Variants in MACROD2 observed in about 807,000 individuals in gnomAD.
MACROD2 encodes ADP-ribose glycohydrolase MACROD2.
A neutral mutation model predicts 70.4 loss-of-function variants in MACROD2; 36 were observed. That is an observed-to-expected ratio of 0.51 (90% confidence interval 0.39 to 0.68). The LOEUF (loss-of-function observed/expected upper bound fraction) is 0.68, where lower values mean the gene tolerates loss of function less well. MACROD2 is among the 30% of genes least tolerant of loss of function. The probability of loss-of-function intolerance (pLI) is 0.00; values close to 1 mark genes in which losing one functional copy is unlikely to be tolerated. For missense variants in MACROD2, 496 were observed against 538.4 expected, an observed-to-expected ratio of 0.92 and a Z score of 0.78; for synonymous variants, 172 against 178.8, an observed-to-expected ratio of 0.96 and a Z score of 0.30.
intron 3 of MACROD2, among the ~76,000 whole-genome samples, chr20:14,456,300 G>C (rs2084301563): frequency 6.6e-6 from 1 of 151,816 alleles, no homozygotes; most frequent in Non-Finnish European, 1.5e-5. Context: ...TGCTCAGTCT[G>C]CTGAAGGTAG....
At chr20:15,129,939 G>C (rs1161029037) in intron 5 of MACROD2, among the ~76,000 whole-genome samples, 1 of 152,122 alleles carries the variant, frequency 6.6e-6, no homozygotes, top group East Asian at 1.9e-4. Flanking sequence ...ACAGAAAGCA[G>C]TAGAGGGGTA....
intron 8 of MACROD2, among the ~76,000 whole-genome samples, chr20:15,727,834 A>G (rs995239165): frequency 4.6e-5 from 7 of 152,200 alleles, no homozygotes; most frequent in East Asian, 1.9e-4. Flanking sequence ...GGCAGAGACT[A>G]TGGGGTTTTC....
At chr20:15,317,194 A>G (rs1194345350) in intron 6 of MACROD2, among the ~76,000 whole-genome samples, 1 of 152,070 alleles carries the variant, frequency 6.6e-6, no homozygotes, top group Non-Finnish European at 1.5e-5. Context: ...AAAAAAGGAA[A>G]TAATAATTAT....
At chr20:15,616,598 C>T (rs1193601628) in intron 8 of MACROD2, among the ~76,000 whole-genome samples, 5 of 152,166 alleles carry the variant, frequency 3.3e-5, no homozygotes, top group Non-Finnish European at 5.9e-5. Context: ...GCTCTGTCTG[C>T]CCTTCCATAC....
At chr20:14,010,871 G>A (rs2052893443) in intron 2 of MACROD2, among the ~76,000 whole-genome samples, 1 of 152,148 alleles carries the variant, frequency 6.6e-6, no homozygotes, top group Non-Finnish European at 1.5e-5. Flanking sequence ...GTGAAGCCAT[G>A]TGCAACATCT....
intron 3 of MACROD2, among the ~76,000 whole-genome samples, chr20:14,112,000 C>T (rs1216599218): frequency 6.6e-6 from 1 of 151,778 alleles, no homozygotes; most frequent in Non-Finnish European, 1.5e-5. Context: ...ATGGTAGGTA[C>T]ATATATACAC....
intron 8 of MACROD2, among the ~76,000 whole-genome samples, chr20:15,655,580 A>AGTGC (rs2049717933): frequency 6.6e-6 from 1 of 152,182 alleles, no homozygotes; most frequent in Non-Finnish European, 1.5e-5. Flanking sequence ...CACTTTTTAA[A>AGTGC]AGTTGTGTAA....
chr20:14,456,917 C>T (rs2084309993), intron 3 of MACROD2, among the ~76,000 whole-genome samples: 1 of 151,900 alleles, frequency 6.6e-6, no homozygotes. Context: ...CGGGGTTTCA[C>T]CGTGTTAGCC....
intron 4 of MACROD2, among the ~76,000 whole-genome samples, chr20:14,513,807 T>C (rs2085056654): frequency 6.6e-6 from 1 of 152,100 alleles, no homozygotes; most frequent in South Asian, 2.1e-4. Flanking sequence ...ATAATCTCTA[T>C]CTCCTTTAAT....
chr20:15,979,527 G>A (rs1178553632), intron 13 of MACROD2, among the ~76,000 whole-genome samples: 1 of 152,112 alleles, frequency 6.6e-6, no homozygotes, highest in Non-Finnish European at 1.5e-5. Context: ...AAACCATAAT[G>A]CCACCACAGG....
At chr20:15,025,299 T>G (rs1305858064) in intron 5 of MACROD2, among the ~76,000 whole-genome samples, 2 of 152,150 alleles carry the variant, frequency 1.3e-5, no homozygotes, top group African/African-American at 4.8e-5. Context: ...CAGTACAAGC[T>G]TCCGATATTA....
intron 10 of MACROD2, among the ~76,000 whole-genome samples, chr20:15,926,815 A>G (rs931230100): frequency 6.6e-6 from 1 of 152,232 alleles, no homozygotes; most frequent in African/African-American, 2.4e-5. Context: ...GAATGAAGAC[A>G]GAGAAACAAC....
intron 4 of MACROD2, among the ~76,000 whole-genome samples, chr20:14,534,613 G>A (rs189350179): frequency 1.3e-5 from 2 of 152,314 alleles, no homozygotes; most frequent in Non-Finnish European, 2.9e-5. Context: ...TCAATGTGTA[G>A]CATTTCAATT....
chr20:14,166,752 A>G lies in MACROD2; in HGVS notation c.271+81024A>G, dbSNP rs2055275078. Among the ~76,000 whole-genome samples the G allele has an allele frequency of 2.6e-5, 4 of 151,904 alleles. No homozygotes were observed. In the South Asian group the frequency reaches 8.3e-4, roughly 32 times the overall value. On this transcript the variant is annotated intron_variant, in intron 3 of 17. Transcript: ENST00000684519. ...TCTTTTCCTGGGAGGTAGCTTTTGT[A>G]TCATTTCCCTTCTCATTGTTCCTCT...
At chr20:15,991,608 A>G (rs940550140) in intron 15 of MACROD2, among the ~76,000 whole-genome samples, 2 of 152,222 alleles carry the variant, frequency 1.3e-5, no homozygotes, top group African/African-American at 4.8e-5. Flanking sequence ...CATGCAAAAT[A>G]CTATATACAC....
intron 3 of MACROD2, among the ~76,000 whole-genome samples, chr20:14,122,896 G>A (rs1429999612): frequency 1.3e-5 from 2 of 152,090 alleles, no homozygotes; most frequent in African/African-American, 2.4e-5. Context: ...CTCCTTTCCA[G>A]TATGTGAGAA....
chr20:15,425,141 G>A (rs372324680), intron 6 of MACROD2, among the ~76,000 whole-genome samples: 1 of 152,194 alleles, frequency 6.6e-6, no homozygotes, highest in Non-Finnish European at 1.5e-5. Context: ...TCATTCTTGA[G>A]GGTATGAGGA....
intron 10 of MACROD2, among the ~76,000 whole-genome samples, chr20:15,910,802 A>C (rs1174988077): frequency 2.0e-5 from 3 of 152,224 alleles, no homozygotes; most frequent in Non-Finnish European, 4.4e-5. Flanking sequence ...AGAGGCCAAG[A>C]TTCTCTCAGA....
At chr20:15,451,549 G>A (rs1461675603) in intron 7 of MACROD2, among the ~76,000 whole-genome samples, 1 of 151,646 alleles carries the variant, frequency 6.6e-6, no homozygotes, top group Non-Finnish European at 1.5e-5. Flanking sequence ...CCTGCAGAAA[G>A]GCCCTTTTTG....
Sources: gnomAD v4.1 joint callset for allele counts (sites outside exome capture counted in the v4.1 genomes callset) on GRCh38, gnomAD v4.1.1 for gene constraint, MANE v1.5 for transcripts, NCBI Gene and HGNC (gene_info 2026-07-23, HGNC 2026-07-21) for gene names.